GRAMD1B: variants seen among roughly 807,000 people sequenced by gnomAD.
GRAMD1B encodes protein Aster-B.
A neutral mutation model predicts 99.7 loss-of-function variants in GRAMD1B; 37 were observed. The ratio of observed to expected loss-of-function variants is 0.37; its 90% CI spans 0.29 to 0.49. The LOEUF (loss-of-function observed/expected upper bound fraction) is 0.49, where lower values mean the gene tolerates loss of function less well. GRAMD1B is among the 20% of genes least tolerant of loss of function. GRAMD1B has a pLI of 0.98. For missense variants in GRAMD1B, 888 were observed against 1,009.2 expected (o/e 0.88, Z 1.63); for synonymous variants, 427 against 387.6 (o/e 1.10, Z -1.19).
intron 4 of GRAMD1B, among the ~76,000 whole-genome samples, chr11:123,585,996 CT>C (rs1158813020): frequency 2.0e-5 from 3 of 152,178 alleles, no homozygotes; most frequent in Admixed American, 1.3e-4. Flanking sequence ...CCATTAGCTT[CT>C]TTCTCTGATT....
rs527924524 is a variant in GRAMD1B, at chr11:123,402,685, TC to T, written c.-176+43889del. On this transcript the variant is annotated intron_variant, in intron 1 of 20. Coordinates refer to the GRAMD1B transcript ENST00000638157. ...TCTGCTCTCTTTCCTCCTCATTGCC[TC>T]CCAAGTGACCTCACAATTGTAACCC... Among the ~76,000 whole-genome samples, 426 of 152,326 alleles carry T rather than the reference TC, an allele frequency of 2.8e-3. 1 individual carries two copies. The highest frequency in any genetic ancestry group is 1.0e-2 in the African/African-American group (415 of 41,570).
chr11:123,559,080 A>G (rs1293194107), intron 2 of GRAMD1B, among the ~76,000 whole-genome samples: 1 of 152,240 alleles, frequency 6.6e-6, no homozygotes, highest in Non-Finnish European at 1.5e-5. Context: ...AGAATGCATA[A>G]GCCAAACATT....
Position 123,627,460 on chromosome 11 carries a change from T to C in GRAMD1B, c.*4865T>C, listed in dbSNP as rs1167268033. ...ACCTAGACTCCAAGGTGGGGAGGGA[T>C]GGGTCAGAGGCCATAGTGGCCCCTG... On this transcript the variant is annotated 3_prime_UTR_variant, in exon 20 of 20. Coordinates refer to ENST00000635736, the MANE Select transcript of GRAMD1B (RefSeq NM_001387025.1). 2.0e-5 allele frequency: 3 copies of C among 152,234 alleles called. No homozygotes were observed. The East Asian group carries it at 5.8e-4, about 29-fold the overall frequency. The allele number at this position is 152,234 out of a possible 1,614,324, so 9.4% of individuals were successfully genotyped here.
At chr11:123,441,026 A>G (rs1949383040) in intron 1 of GRAMD1B, among the ~76,000 whole-genome samples, 1 of 152,178 alleles carries the variant, frequency 6.6e-6, no homozygotes, top group Admixed American at 6.5e-5. Context: ...ACCTTCCACC[A>G]TGATCGTGAG....
intron 2 of GRAMD1B, among the ~76,000 whole-genome samples, chr11:123,500,598 C>T (rs1365536742): frequency 6.6e-6 from 1 of 152,058 alleles, no homozygotes; most frequent in Non-Finnish European, 1.5e-5. Context: ...TGTCTGTGTA[C>T]TTTGTGGAGG....
Position 123,627,416 on chromosome 11 carries a change from G to A in GRAMD1B, c.*4821G>A, listed in dbSNP as rs1186172632. The A allele has an allele frequency of 6.6e-6, 1 of 152,384 alleles. No individual in the cohort carries two copies. Among genetic ancestry groups the A allele is most frequent in the African/African-American group, 2.4e-5 (1 of 41,466 alleles). The allele number at this position is 152,384 out of a possible 1,614,324, so 9.4% of individuals were successfully genotyped here. A position where few individuals can be genotyped will look rare whatever the true frequency, so the allele number is the denominator to read the frequency against. On this transcript the variant is annotated 3_prime_UTR_variant, in exon 20 of 20. Coordinates refer to ENST00000635736, the MANE Select transcript of GRAMD1B (RefSeq NM_001387025.1). Reference sequence around the variant, plus strand: ...ACCAGACCATCTTCCCAAACCCATGGTGCTTTTTCCCCAACTCAACCTAGA... The same window carrying A: ...ACCAGACCATCTTCCCAAACCCATGATGCTTTTTCCCCAACTCAACCTAGA...
chr11:123,423,250 A>G (rs1948518947), intron 1 of GRAMD1B, among the ~76,000 whole-genome samples: 1 of 150,200 alleles, frequency 6.7e-6, no homozygotes, highest in Non-Finnish European at 1.5e-5. Flanking sequence ...AGACACACAC[A>G]CACACACACA....
chr11:123,427,450 C>T (rs998958833), upstream of GRAMD1B, among the ~76,000 whole-genome samples: 2 of 152,180 alleles, frequency 1.3e-5, no homozygotes, highest in African/African-American at 4.8e-5. Flanking sequence ...TCACCATACA[C>T]ATAACAAGCA....
At chr11:123,569,246 A>T (rs751647248) in intron 2 of GRAMD1B, among the ~76,000 whole-genome samples, 61 of 152,118 alleles carry the variant, frequency 4.0e-4, no homozygotes, top group Non-Finnish European at 8.1e-4. Flanking sequence ...GAGTAAAAGG[A>T]GCTGAGACCA....
At chr11:123,571,036 G>A (rs1948018128) in intron 2 of GRAMD1B, among the ~76,000 whole-genome samples, 1 of 152,218 alleles carries the variant, frequency 6.6e-6, no homozygotes, top group Non-Finnish European at 1.5e-5. Context: ...CACTGCAGAG[G>A]GAAGCAGGAA....
chr11:123,487,268 G>T (rs1287363352), intron 2 of GRAMD1B, among the ~76,000 whole-genome samples: 2 of 152,282 alleles, frequency 1.3e-5, no homozygotes, highest in East Asian at 3.9e-4. Context: ...CTGGGGTGAG[G>T]GCAGGGGTGG....
chr11:123,504,038 A>T (rs1045048377), intron 2 of GRAMD1B, among the ~76,000 whole-genome samples: 6 of 152,212 alleles, frequency 3.9e-5, no homozygotes, highest in Non-Finnish European at 8.8e-5. Context: ...TGTAGACTTC[A>T]ATCACTGTGC....
intron 1 of GRAMD1B, among the ~76,000 whole-genome samples, chr11:123,449,247 G>A (rs1949773603): frequency 6.6e-6 from 1 of 152,220 alleles, no homozygotes; most frequent in Non-Finnish European, 1.5e-5. Flanking sequence ...CCTACACACT[G>A]AAGGCAGAGT....
intron 1 of GRAMD1B, among the ~76,000 whole-genome samples, chr11:123,388,710 CA>C (rs1947163417): frequency 6.6e-6 from 1 of 150,994 alleles, no homozygotes. Context: ...AACAAACAAA[CA>C]AACAAAGAAG....
intron 1 of GRAMD1B, among the ~76,000 whole-genome samples, chr11:123,414,557 T>G (rs1948163175): frequency 6.6e-6 from 1 of 152,176 alleles, no homozygotes; most frequent in South Asian, 2.1e-4. Flanking sequence ...GTAATTTTCC[T>G]TATGGGGCTT....
chr11:123,436,792 G>C (rs2134228773), intron 1 of GRAMD1B, among the ~76,000 whole-genome samples: 1 of 152,218 alleles, frequency 6.6e-6, no homozygotes, highest in Non-Finnish European at 1.5e-5. Context: ...TAGGGTACAT[G>C]TGCACAATGT....
At chr11:123,540,415 A>G (rs938859904) in intron 2 of GRAMD1B, among the ~76,000 whole-genome samples, 1 of 152,114 alleles carries the variant, frequency 6.6e-6, no homozygotes, top group Non-Finnish European at 1.5e-5. Flanking sequence ...TTCTCAGTGT[A>G]CTTTCTACAA....
Position 123,492,492 on chromosome 11 carries a change from C to T in GRAMD1B, c.452+11599C>T, listed in dbSNP as rs77956424. ...GGGTGCTTTTTCCTAAAACAGCCCC[C>T]ATACCTGGCAGATGGGCTGCAGTGG... On this transcript the variant is annotated intron_variant, in intron 2 of 19. Coordinates refer to ENST00000635736, the MANE Select transcript of GRAMD1B (RefSeq NM_001387025.1). The surrounding 1 kb of genome is among the most constrained non-coding windows in gnomAD (Gnocchi z 4.2). Among the ~76,000 whole-genome samples, 16 of 152,268 alleles carry T rather than the reference C, an allele frequency of 1.1e-4. No homozygotes were observed. In the East Asian group the frequency reaches 2.9e-3, roughly 28 times the overall value.
Position 123,430,802 on chromosome 11 carries a change from G to A in GRAMD1B, c.10G>A (p.Ala4Thr), listed in dbSNP as rs779440478. 2.9e-6 allele frequency: 2 copies of A among 683,974 alleles called. No homozygotes were observed. The highest frequency in any genetic ancestry group is 1.5e-5 in the South Asian group (1 of 65,170). The allele number at this position is 683,974 out of a possible 1,614,324, so 42.4% of individuals were successfully genotyped here. The change falls in exon 1 of 20, where the codon GCC (alanine) becomes ACC (threonine). Residue 4 changes from alanine (A) to threonine (T), a missense_variant. Ala to Thr is a moderately conservative substitution (Grantham distance 58). Coordinates refer to ENST00000635736, the MANE Select transcript of GRAMD1B (RefSeq NM_001387025.1). MPA[A>T]NMMENRPLPA... ...AGAGGCGACGGCCCCCATGCCGGCG[G>A]CCAACATGATGGAGAACCGGCCGCT...
Sources: gnomAD v4.1 joint callset for allele counts (sites outside exome capture counted in the v4.1 genomes callset) on GRCh38, gnomAD v4.1.1 for gene constraint, Gnocchi (gnomAD v3.1) non-coding constraint, MANE v1.5 for transcripts, NCBI Gene and HGNC (gene_info 2026-07-23, HGNC 2026-07-21) for gene names.